Variants in EXOC4 observed in about 807,000 individuals in gnomAD.
EXOC4 encodes SEC8-like 1.
A neutral mutation model predicts 107.2 loss-of-function variants in EXOC4; 71 were observed. That is an observed-to-expected ratio of 0.66 (90% CI 0.55 to 0.81). The LOEUF (loss-of-function observed/expected upper bound fraction) is 0.81. Ranked by LOEUF, EXOC4 falls within the 30% of genes least tolerant of loss-of-function variation. EXOC4 has a pLI of 0.00. For synonymous variants in EXOC4, 456 were observed against 441.2 expected (o/e 1.03, Z -0.42); for missense variants, 1,108 against 1,189.6 (o/e 0.93, Z 1.01).
At chr7:133,360,354 G>A (rs1397489920) in intron 6 of EXOC4, among the ~76,000 whole-genome samples, 4 of 152,326 alleles carry the variant, frequency 2.6e-5, no homozygotes, top group South Asian at 2.1e-4. Flanking sequence ...AAAGAGAATG[G>A]TTGGTATGTG....
chr7:133,621,152 G>A (rs1802320000), intron 9 of EXOC4, among the ~76,000 whole-genome samples: 1 of 152,208 alleles, frequency 6.6e-6, no homozygotes, highest in Admixed American at 6.5e-5. Context: ...GGCTCAGGAT[G>A]AGCTATTATT....
At chr7:133,402,294 G>C (rs571664463) in intron 7 of EXOC4, among the ~76,000 whole-genome samples, 2 of 152,304 alleles carry the variant, frequency 1.3e-5, no homozygotes, top group South Asian at 4.1e-4. Flanking sequence ...GGCTGCTGTT[G>C]AGTAACTGTT....
intron 5 of EXOC4, among the ~76,000 whole-genome samples, chr7:133,355,677 C>G (rs1022491760): frequency 6.6e-6 from 1 of 151,986 alleles, no homozygotes; most frequent in Admixed American, 6.6e-5. Context: ...TTCTCAGAAG[C>G]CTTTCATGGA....
chr7:133,749,479 A>G (rs1227837724), intron 10 of EXOC4, among the ~76,000 whole-genome samples: 1 of 151,470 alleles, frequency 6.6e-6, no homozygotes, highest in Non-Finnish European at 1.5e-5. Context: ...TGCAACCTCT[A>G]CCTCCCAGGT....
the EXOC4 span, among the ~76,000 whole-genome samples, chr7:134,097,605 C>T: frequency 6.6e-5 from 10 of 152,098 alleles, no homozygotes; most frequent in East Asian, 3.9e-4. Context: ...CTGAGACAAC[C>T]GTCTGGGTGA....
At chr7:134,016,445 A>T (rs1032424292) in intron 17 of EXOC4, among the ~76,000 whole-genome samples, 1 of 152,176 alleles carries the variant, frequency 6.6e-6, no homozygotes, top group African/African-American at 2.4e-5. Context: ...GACCAAAGAG[A>T]GTGCATGATC....
At chr7:133,703,697 AT>A (rs1220017706) in intron 10 of EXOC4, among the ~76,000 whole-genome samples, 1 of 152,240 alleles carries the variant, frequency 6.6e-6, no homozygotes, top group African/African-American at 2.4e-5. Flanking sequence ...TGCCTACTGC[AT>A]TAGAACATCC....
At chr7:133,895,780 A>T (rs543242473) in intron 12 of EXOC4, 45 bp downstream of exon 12, 3 of 1,585,670 alleles carry the variant, frequency 1.9e-6, no homozygotes, top group East Asian at 4.5e-5. Flanking sequence ...TTTGAGCCTG[A>T]TGGTGGTTCC....
At chr7:134,040,893 T>G (rs1198892517) in intron 17 of EXOC4, among the ~76,000 whole-genome samples, 1 of 152,208 alleles carries the variant, frequency 6.6e-6, no homozygotes, top group Admixed American at 6.5e-5. Context: ...GGTCGGGCCT[T>G]CTCTTTAACT....
At chr7:133,857,074 G>A (rs1798391110) in intron 11 of EXOC4, among the ~76,000 whole-genome samples, 2 of 135,078 alleles carry the variant, frequency 1.5e-5, no homozygotes, top group Admixed American at 8.2e-5. Flanking sequence ...TCCAGCCTGG[G>A]CAACAGAGAG....
At chr7:133,909,061 C>T (rs1799630189) in intron 12 of EXOC4, among the ~76,000 whole-genome samples, 1 of 152,130 alleles carries the variant, frequency 6.6e-6, no homozygotes, top group African/African-American at 2.4e-5. Context: ...TTGTTCAACT[C>T]CCACTTATGA....
chr7:133,833,907 A>G (rs913728271), intron 11 of EXOC4, among the ~76,000 whole-genome samples: 2 of 152,198 alleles, frequency 1.3e-5, no homozygotes, highest in African/African-American at 4.8e-5. Context: ...CAGCTGGGCC[A>G]GTTAGAACCT....
chr7:133,774,278 G>T (rs1006203481), intron 10 of EXOC4, among the ~76,000 whole-genome samples: 3 of 152,046 alleles, frequency 2.0e-5, no homozygotes, highest in Non-Finnish European at 4.4e-5. Context: ...TACTATAATG[G>T]TTCACTTGCT....
downstream of EXOC4, among the ~76,000 whole-genome samples, chr7:134,071,040 T>G (rs915580291): frequency 2.0e-5 from 3 of 152,234 alleles, no homozygotes; most frequent in East Asian, 1.9e-4. Context: ...TTTTTGTGGT[T>G]GTTTTTATTT....
intron 10 of EXOC4, among the ~76,000 whole-genome samples, chr7:133,782,967 G>T (rs954394571): frequency 5.9e-5 from 9 of 152,138 alleles, no homozygotes; most frequent in African/African-American, 2.2e-4. Context: ...ACAGACTAGG[G>T]TCTGAATCTC....
At chr7:133,827,552 A>G (rs1797730104) in intron 11 of EXOC4, among the ~76,000 whole-genome samples, 1 of 152,192 alleles carries the variant, frequency 6.6e-6, no homozygotes, top group African/African-American at 2.4e-5. Context: ...CATTATTTTC[A>G]TTTGTCTTCA....
chr7:133,549,632 C>T (rs1392206346), intron 9 of EXOC4, among the ~76,000 whole-genome samples: 1 of 152,104 alleles, frequency 6.6e-6, no homozygotes, highest in Non-Finnish European at 1.5e-5. Flanking sequence ...ATAAAGTGAA[C>T]ACAGGCTGTT....
rs112647375 is a variant in EXOC4, at chr7:133,709,859, A to G, written c.1514+79718A>G. Among the ~76,000 whole-genome samples the G allele has an allele frequency of 2.4e-3, 372 of 152,252 alleles. 1 individual carries two copies. The highest frequency in any genetic ancestry group is 0.013 in the South Asian group (65 of 4,824). On this transcript the variant is annotated intron_variant, in intron 10 of 17. Coordinates refer to ENST00000253861, the MANE Select transcript of EXOC4 (RefSeq NM_021807.4). The stretch of plus-strand genomic sequence containing the variant: ...GCATTTTTGTGAGTAAAGCACTTTG[A>G]AGAGTGCTTGGCACATGGTAAATGC...
At chr7:133,445,420 C>T (rs1798195738) in intron 7 of EXOC4, among the ~76,000 whole-genome samples, 1 of 152,152 alleles carries the variant, frequency 6.6e-6, no homozygotes, top group Non-Finnish European at 1.5e-5. Context: ...TAAAATGACT[C>T]TGACGGGAAA....
Sources: allele counts gnomAD v4.1 joint callset (sites outside exome capture counted in the v4.1 genomes callset), GRCh38; gene constraint gnomAD v4.1.1; transcripts MANE v1.5; gene names NCBI Gene and HGNC (gene_info 2026-07-23, HGNC 2026-07-21).